The following PANX1 variants were observed in gnomAD, a reference collection of about 807,000 sequenced individuals.
PANX1 encodes pannexin 1.
PANX1 carries 30 observed loss-of-function variants against 38.7 expected under a neutral mutation model. That is an observed-to-expected ratio of 0.78 (90% CI 0.58 to 1.05). The LOEUF is 1.05. PANX1 is among the 50% of genes least tolerant of loss of function. The pLI, the probability that PANX1 is intolerant of heterozygous loss-of-function variation, is 0.00. For missense variants in PANX1, 551 were observed against 517.2 expected (o/e 1.07, Z -0.63); for synonymous variants, 230 against 212.2 (o/e 1.08, Z -0.73).
chr11:94,170,408 C>CT (rs1947151917), intron 2 of PANX1, among the ~76,000 whole-genome samples: 1 of 151,802 alleles, frequency 6.6e-6, no homozygotes, highest in Non-Finnish European at 1.5e-5. Context: ...CTTTTTAAGA[C>CT]TGAATAACAT....
At chr11:94,140,476 T>A (rs181131963) in intron 1 of PANX1, among the ~76,000 whole-genome samples, 2 of 152,356 alleles carry the variant, frequency 1.3e-5, no homozygotes, top group Admixed American at 6.5e-5. Flanking sequence ...CTTTAATATG[T>A]CCCAGAGATA....
chr11:94,163,853 C>G (rs1332260180), intron 2 of PANX1, among the ~76,000 whole-genome samples: 3 of 152,148 alleles, frequency 2.0e-5, no homozygotes, highest in Non-Finnish European at 4.4e-5. Context: ...GTGAAGCCAT[C>G]AGGTCCTGGG....
In PANX1 at chr11:94,181,509, A is replaced by G. The variant is rs981713321; in HGVS notation, c.*640A>G. ...TGTGCCTTGAAGGGCAGCAGGCCCA[A>G]GTGCTGCTCTGACTGAAAACTGAGT... is the stretch of plus-strand genomic sequence containing the variant. On this transcript the variant is annotated 3_prime_UTR_variant, in exon 5 of 5. Coordinates refer to ENST00000227638, the MANE Select transcript of PANX1 (RefSeq NM_015368.4). 1 of 152,290 alleles carries G rather than the reference A, an allele frequency of 6.6e-6. No homozygotes were observed. The highest frequency in any genetic ancestry group is 2.4e-5 in the African/African-American group (1 of 41,470). The allele number at this position is 152,290 out of a possible 1,614,324, so 9.4% of individuals were successfully genotyped here. A position where few individuals can be genotyped will look rare whatever the true frequency, so the allele number is the denominator to read the frequency against.
chr11:94,154,913 A>C (rs1009250728), intron 2 of PANX1, among the ~76,000 whole-genome samples: 1 of 152,260 alleles, frequency 6.6e-6, no homozygotes, highest in Non-Finnish European at 1.5e-5. Flanking sequence ...TATATTTACT[A>C]TTCAGTTTGT....
intron 1 of PANX1, among the ~76,000 whole-genome samples, chr11:94,136,970 C>T (rs745828141): frequency 2.6e-5 from 4 of 151,932 alleles, no homozygotes; most frequent in Non-Finnish European, 5.9e-5. Context: ...AAACAGGGAG[C>T]AGGCACGTCT....
At chr11:94,168,914 G>T (rs1231569125) in intron 2 of PANX1, among the ~76,000 whole-genome samples, 1 of 151,598 alleles carries the variant, frequency 6.6e-6, no homozygotes, top group Admixed American at 6.6e-5. Flanking sequence ...AGAAAGATCA[G>T]GATTAAGGAC....
At chr11:94,130,333 A>G (rs1946614125) in intron 1 of PANX1, among the ~76,000 whole-genome samples, 1 of 152,142 alleles carries the variant, frequency 6.6e-6, no homozygotes, top group Admixed American at 6.5e-5. Context: ...TTTGGACAAG[A>G]AGGAGTAAGA....
chr11:94,149,818 T>A (rs1347620349), intron 1 of PANX1, among the ~76,000 whole-genome samples: 1 of 152,170 alleles, frequency 6.6e-6, no homozygotes, highest in African/African-American at 2.4e-5. Context: ...TGGGGGATAC[T>A]TTAACATTAA....
chr11:94,167,989 G>A (rs1947121659), intron 2 of PANX1, among the ~76,000 whole-genome samples: 1 of 152,222 alleles, frequency 6.6e-6, no homozygotes, highest in Admixed American at 6.5e-5. Flanking sequence ...TGGATTTAAT[G>A]AAAATATTGG....
chr11:94,180,265 T>G lies in PANX1; in HGVS notation c.1201+8T>G, dbSNP rs1435616190. Reference sequence around the variant, plus strand: ...AGACGGCAGAGCTCCAAGGTAGGGTTTGCTTTTGGCAGAGGCTACGGGAGT... The same window carrying G: ...AGACGGCAGAGCTCCAAGGTAGGGTGTGCTTTTGGCAGAGGCTACGGGAGT... On this transcript the variant is annotated splice_region_variant and intron_variant, in intron 4 of 4. Coordinates refer to ENST00000227638, the MANE Select transcript of PANX1 (RefSeq NM_015368.4). 2 of 1,591,500 alleles carry G rather than the reference T, an allele frequency of 1.3e-6. No individual in the cohort carries two copies. The highest frequency in any genetic ancestry group is 2.7e-5 in the African/African-American group (2 of 74,302).
chr11:94,140,903 T>C (rs777996765), intron 1 of PANX1, among the ~76,000 whole-genome samples: 38 of 152,186 alleles, frequency 2.5e-4, no homozygotes, highest in Admixed American at 1.2e-3. Context: ...GTAATAAGAA[T>C]AGCATTATTT....
chr11:94,179,555 TG>T, intron 3 of PANX1, 46 bp from the exon 4 acceptor site: 1 of 1,378,838 alleles, frequency 7.3e-7, no homozygotes, highest in Non-Finnish European at 1.0e-6. Context: ...TAATATTTGA[TG>T]GTCTTGATGA....
chr11:94,139,903 G>A (rs761361782), intron 1 of PANX1, among the ~76,000 whole-genome samples: 35 of 152,224 alleles, frequency 2.3e-4, no homozygotes, highest in Non-Finnish European at 3.8e-4. Context: ...CCAATAGTAA[G>A]TAAAGGGTTT....
At chr11:94,166,767 T>C (rs1947104911) in intron 2 of PANX1, among the ~76,000 whole-genome samples, 1 of 152,188 alleles carries the variant, frequency 6.6e-6, no homozygotes, top group African/African-American at 2.4e-5. Context: ...GTATCCTCTG[T>C]ACTCTTTCCT....
chr11:94,170,702 G>A (rs1591523753), intron 2 of PANX1, among the ~76,000 whole-genome samples: 2 of 151,858 alleles, frequency 1.3e-5, no homozygotes, highest in South Asian at 2.1e-4. Flanking sequence ...CTTTTCTGAG[G>A]TCGCACAGCC....
In PANX1 at chr11:94,153,339, T is replaced by C. The variant is rs561479604; in HGVS notation, c.182-152T>C. On this transcript the variant is annotated intron_variant, in intron 1 of 4. Transcript: ENST00000227638. ...CACTCTGTGATCTTTTGTTTTAATA[T>C]GAACTTGGGTGTTTGTTTTTAGTTC... 5.5e-4 allele frequency: 381 copies of C among 691,942 alleles called. 3 individuals carry two copies. The South Asian group carries it at 8.5e-3, about 15-fold the overall frequency. 42.9% of individuals were successfully genotyped at this position (691,942 alleles called of 1,614,324 possible).
In PANX1 at chr11:94,181,724, C is replaced by T. The variant is rs930919778; in HGVS notation, c.*855C>T. ...GGATTTTACTTAAACAATAATGGAACACAGGAGTATTTAAAGTGAAGAACA... is the reference window on the plus strand; with the variant it reads ...GGATTTTACTTAAACAATAATGGAATACAGGAGTATTTAAAGTGAAGAACA... On this transcript the variant is annotated 3_prime_UTR_variant, in exon 5 of 5. Coordinates refer to ENST00000227638, the MANE Select transcript of PANX1 (RefSeq NM_015368.4). The T allele has an allele frequency of 1.3e-5, 2 of 152,164 alleles. No homozygotes were observed. The highest frequency in any genetic ancestry group is 2.9e-5 in the Non-Finnish European group (2 of 68,038). The allele number at this position is 152,164 out of a possible 1,614,324, so 9.4% of individuals were successfully genotyped here.
intron 1 of PANX1, among the ~76,000 whole-genome samples, chr11:94,130,428 G>T (rs1475577073): frequency 6.6e-6 from 1 of 152,232 alleles, no homozygotes. Context: ...AAGGCAGGAG[G>T]ATAAGTCAGA....
intron 2 of PANX1, among the ~76,000 whole-genome samples, chr11:94,167,333 T>G (rs572039883): frequency 1.3e-5 from 2 of 152,186 alleles, no homozygotes; most frequent in Non-Finnish European, 2.9e-5. Flanking sequence ...GCTCCTCTGA[T>G]TTTTTAGTTC....
Sources: allele counts gnomAD v4.1 joint callset (sites outside exome capture counted in the v4.1 genomes callset), GRCh38; gene constraint gnomAD v4.1.1; transcripts MANE v1.5; gene names NCBI Gene and HGNC (gene_info 2026-07-23, HGNC 2026-07-21).